NT5C2: variants seen among roughly 807,000 people sequenced by gnomAD.
NT5C2 encodes the protein cytosolic purine 5'-nucleotidase.
NT5C2 carries 58 observed loss-of-function variants against 76.1 expected under a neutral mutation model. That is an observed-to-expected ratio of 0.76 (90% confidence interval 0.62 to 0.95). The LOEUF is 0.95. Among genes scored for constraint, NT5C2 ranks in the 40% least tolerant of loss-of-function variants. NT5C2 has a pLI of 0.00. For missense variants in NT5C2, 478 were observed against 690.3 expected (o/e 0.69, Z 3.45); for synonymous variants, 229 against 237.4 (o/e 0.96, Z 0.32).
At chr10:103,093,095 G>A in intron 15 of NT5C2, 44 bp downstream of exon 15, 2 of 1,451,910 alleles carry the variant, frequency 1.4e-6, no homozygotes, top group Non-Finnish European at 9.2e-7. Flanking sequence ...TTCAAAGCTG[G>A]TCATTTAGAT....
chr10:103,160,874 G>GT (rs2134087809), intron 3 of NT5C2, among the ~76,000 whole-genome samples: 1 of 152,212 alleles, frequency 6.6e-6, no homozygotes, highest in Admixed American at 6.5e-5. Context: ...TTAGCTGTGC[G>GT]TGGTGCATGC....
chr10:103,178,412 G>A (rs1214903712), intron 2 of NT5C2, among the ~76,000 whole-genome samples: 1 of 152,140 alleles, frequency 6.6e-6, no homozygotes, highest in Non-Finnish European at 1.5e-5. Context: ...GGGCATGGTG[G>A]TCCGTATCTG....
intron 3 of NT5C2, among the ~76,000 whole-genome samples, chr10:103,166,985 T>C (rs1591672330): frequency 6.6e-6 from 1 of 151,328 alleles, no homozygotes; most frequent in African/African-American, 2.4e-5. Context: ...CTCTTCTTAT[T>C]CCGACAAGAT....
Position 103,091,001 on chromosome 10 carries a change from A to AGAT in NT5C2, c.1212-8_1212-6dup, listed in dbSNP as rs1169972942. On this transcript the variant is annotated splice_polypyrimidine_tract_variant and splice_region_variant and intron_variant, in intron 16 of 18. Coordinates refer to ENST00000404739, the MANE Select transcript of NT5C2 (RefSeq NM_001351169.2). ...TTGCTACTGCTGTCAAGATGCCTAA[A>AGAT]GATAAAAGAAAAACTCAGTGAAAAT... The AGAT allele has an allele frequency of 5.6e-6, 9 of 1,612,342 alleles. No homozygotes were observed. The highest frequency in any genetic ancestry group is 1.7e-5 in the Admixed American group (1 of 59,998).
chr10:103,089,470 A>C lies in NT5C2; in HGVS notation c.*202T>G, dbSNP rs992047191. On this transcript the variant is annotated 3_prime_UTR_variant, in exon 19 of 19. Coordinates refer to ENST00000404739, the MANE Select transcript of NT5C2 (RefSeq NM_001351169.2). Reference sequence around the variant, plus strand: ...TTTCTTCTAATACAGACTCCATTACAATTTTGGACCATCTGCAGAGAGTAC... The same window carrying C: ...TTTCTTCTAATACAGACTCCATTACCATTTTGGACCATCTGCAGAGAGTAC... The C allele has an allele frequency of 4.8e-6, 4 of 839,644 alleles. No individual in the cohort carries two copies. In the East Asian group the frequency reaches 1.2e-4, roughly 26 times the overall value. The allele number at this position is 839,644 out of a possible 1,614,324, so 52.0% of individuals were successfully genotyped here.
intron 4 of NT5C2, among the ~76,000 whole-genome samples, chr10:103,129,573 T>TG: frequency 1.2e-5 from 1 of 83,942 alleles, no homozygotes; most frequent in Non-Finnish European, 2.5e-5. Context: ...GGGAGGGAGG[T>TG]GGGGGTGTCA....
chr10:103,110,316 C>T (rs199811933), intron 4 of NT5C2, among the ~76,000 whole-genome samples: 1 of 152,020 alleles, frequency 6.6e-6, no homozygotes, highest in Non-Finnish European at 1.5e-5. Flanking sequence ...ATTAGCTGGG[C>T]GTGGTGGCTC....
intron 3 of NT5C2, among the ~76,000 whole-genome samples, chr10:103,144,521 T>G (rs2081148502): frequency 6.6e-6 from 1 of 152,178 alleles, no homozygotes; most frequent in Non-Finnish European, 1.5e-5. Context: ...GTCATGAAAA[T>G]ATATCAAATC....
Position 103,191,342 on chromosome 10 carries a change from A to G in NT5C2, c.-169+1894T>C, listed in dbSNP as rs148387691. The stretch of plus-strand genomic sequence containing the variant: ...GGTTGCAATGAGCCAAGATCATGCC[A>G]TTGCACTCCAGCCTGGCCAACAAGA... On this transcript the variant is annotated intron_variant, in intron 1 of 18. Coordinates refer to ENST00000404739, the MANE Select transcript of NT5C2 (RefSeq NM_001351169.2). 3.5e-3 allele frequency among the ~76,000 whole-genome samples: 530 copies of G among 149,868 alleles called. 3 individuals carry two copies. The highest frequency in any genetic ancestry group is 0.013 in the African/African-American group (518 of 40,806).
At chr10:103,174,011 G>A (rs1203539412) in intron 3 of NT5C2, among the ~76,000 whole-genome samples, 8 of 151,012 alleles carry the variant, frequency 5.3e-5, no homozygotes, top group Admixed American at 2.0e-4. Flanking sequence ...CAGGAGAACC[G>A]CTTGAACCCA....
Position 103,095,942 on chromosome 10 carries a change from G to C in NT5C2, c.810C>G (p.Pro270=). Residue 270 remains proline, a synonymous_variant, in exon 12 of 19, where the codon CCC becomes CCG. Transcript: ENST00000404739. ...TCTATTGAGTCACATACGGTACCTT[G>C]GGGCCATGTGGGAAGTCAAACAGGT... ...MTYLFDFPHG[P]KPGSSHRPWQ... 2 of 1,612,736 alleles carry C rather than the reference G, an allele frequency of 1.2e-6. No homozygotes were observed. The highest frequency in any genetic ancestry group is 8.5e-7 in the Non-Finnish European group (1 of 1,178,928).
At chr10:103,181,692 A>G (rs549235604) in intron 1 of NT5C2, among the ~76,000 whole-genome samples, 18 of 152,310 alleles carry the variant, frequency 1.2e-4, no homozygotes, top group African/African-American at 4.3e-4. Flanking sequence ...CTTCACGCCC[A>G]AACTGATAAA....
intron 3 of NT5C2, among the ~76,000 whole-genome samples, chr10:103,171,128 C>G (rs1418003971): frequency 6.6e-6 from 1 of 152,096 alleles, no homozygotes; most frequent in Non-Finnish European, 1.5e-5. Context: ...AATGTTTTCA[C>G]TTTTTCAGGG....
At chr10:103,163,221 G>C (rs527884682) in intron 3 of NT5C2, among the ~76,000 whole-genome samples, 1 of 152,274 alleles carries the variant, frequency 6.6e-6, no homozygotes, top group Admixed American at 6.5e-5. Flanking sequence ...TCAGTTTTGA[G>C]CAATTATAAA....
intron 3 of NT5C2, among the ~76,000 whole-genome samples, chr10:103,168,757 C>T (rs1410650619): frequency 6.6e-6 from 1 of 152,078 alleles, no homozygotes; most frequent in East Asian, 1.9e-4. Context: ...ATTCAGAAAA[C>T]TGATATTAAG....
At chr10:103,163,226 T>TA (rs1342841020) in intron 3 of NT5C2, among the ~76,000 whole-genome samples, 2 of 152,238 alleles carry the variant, frequency 1.3e-5, no homozygotes, top group African/African-American at 4.8e-5. Flanking sequence ...TTTGAGCAAT[T>TA]ATAAACAGAG....
At chr10:103,189,818 G>A (rs2092471404) in intron 1 of NT5C2, among the ~76,000 whole-genome samples, 2 of 150,276 alleles carry the variant, frequency 1.3e-5, no homozygotes, top group African/African-American at 2.4e-5. Flanking sequence ...ACAGGTGGGC[G>A]CCATCACGCC....
intron 3 of NT5C2, among the ~76,000 whole-genome samples, chr10:103,163,737 C>T (rs984566295): frequency 4.6e-5 from 7 of 150,632 alleles, no homozygotes; most frequent in African/African-American, 1.7e-4. Flanking sequence ...CAAATGTGGG[C>T]CAGGCATGGT....
intron 3 of NT5C2, among the ~76,000 whole-genome samples, chr10:103,148,730 A>C (rs2081938219): frequency 6.6e-6 from 1 of 152,154 alleles, no homozygotes; most frequent in East Asian, 1.9e-4. Flanking sequence ...AAATTATAAT[A>C]CTCATTTTAC....
Sources: allele counts gnomAD v4.1 joint callset (sites outside exome capture counted in the v4.1 genomes callset), GRCh38; gene constraint gnomAD v4.1.1; transcripts MANE v1.5; gene names NCBI Gene and HGNC (gene_info 2026-07-23, HGNC 2026-07-21).